YBX3: variants seen among roughly 807,000 people sequenced by gnomAD.
The protein encoded by YBX3 is Y-box-binding protein 3.
A neutral mutation model predicts 42.4 loss-of-function variants in YBX3; 29 were observed. That is an observed-to-expected ratio of 0.68 (90% CI 0.51 to 0.93). The LOEUF is 0.93. Among genes scored for constraint, YBX3 ranks in the 40% least tolerant of loss-of-function variants. YBX3 has a pLI of 0.00. For missense variants in YBX3, 517 were observed against 527.5 expected (o/e 0.98, Z 0.19); for synonymous variants, 195 against 189.8 (o/e 1.03, Z -0.22).
chr12:10,722,778 G>A, intron 1 of YBX3, 72 bp downstream of exon 1: 2 of 1,278,038 alleles, frequency 1.6e-6, no homozygotes, highest in Non-Finnish European at 2.0e-6. Flanking sequence ...AGCGCGAGCT[G>A]CCCACACGTG....
At position 10,701,032 on chromosome 12, in the gene YBX3, A is replaced by G. The variant is rs550776654; in HGVS notation, c.*34+222T>C. Among the ~76,000 whole-genome samples the G allele has an allele frequency of 9.9e-5, 15 of 152,240 alleles. No homozygotes were observed. In the South Asian group the frequency reaches 3.1e-3, roughly 32 times the overall value. The stretch of plus-strand genomic sequence containing the variant: ...AGAAAAAAGAAGTTGAGTATCATCA[A>G]CTCTGTCTGAATGCTTATACCCTCA... On this transcript the variant is annotated intron_variant, in intron 9 of 9. Coordinates refer to ENST00000228251, the MANE Select transcript of YBX3 (RefSeq NM_003651.5).
chr12:10,716,037 C>T (rs1332436099), intron 3 of YBX3: 1 of 440,010 alleles, frequency 2.3e-6, no homozygotes, highest in East Asian at 4.7e-5. Context: ...TCTATAACTG[C>T]AGTGTGTGCA....
Position 10,713,263 on chromosome 12 carries a change from C to G in YBX3, c.521G>C (p.Arg174Pro). 6.2e-7 allele frequency: 1 copy of G among 1,614,032 alleles called. No individual in the cohort carries two copies. The highest frequency in any genetic ancestry group is 8.5e-7 in the Non-Finnish European group (1 of 1,180,034). Reference protein sequence around the residue: ...PVEGSRYAADRRRYRRGYYGR... With the variant: ...PVEGSRYAADPRRYRRGYYGR... ...ATAGTAGCCACGTCTGTAACGGCGC[C>G]GATCTGCAGCGTAACGACTCCCTTC... Residue 174 changes from arginine to proline, a missense_variant, in exon 5 of 10, where the codon CGG (arginine) becomes CCG (proline). By Grantham distance (103) the Arg-to-Pro change is moderately radical. Transcript: ENST00000228251.
In YBX3 at chr12:10,702,149, G is replaced by C; in HGVS notation, c.879-15C>G. On this transcript the variant is annotated splice_polypyrimidine_tract_variant and intron_variant, in intron 7 of 9. Transcript: ENST00000228251. Reference sequence around the variant, plus strand: ...GAGGTCCCCTGCTGTAGGGAACACAGAAGAAAATAGAACAGGTGCCAACAG... The same window carrying C: ...GAGGTCCCCTGCTGTAGGGAACACACAAGAAAATAGAACAGGTGCCAACAG... 2 of 1,607,644 alleles carry C rather than the reference G, an allele frequency of 1.2e-6. No individual in the cohort carries two copies. The highest frequency in any genetic ancestry group is 1.7e-6 in the Non-Finnish European group (2 of 1,177,160).
chr12:10,703,609 C>G, intron 7 of YBX3: 1 of 433,998 alleles, frequency 2.3e-6, no homozygotes, highest in Non-Finnish European at 4.6e-6. Flanking sequence ...CAAGAACATA[C>G]ATCTAATGAA....
At chr12:10,705,471 A>G (rs978725398) in intron 6 of YBX3, among the ~76,000 whole-genome samples, 50 of 152,178 alleles carry the variant, frequency 3.3e-4, no homozygotes, top group African/African-American at 1.2e-3. Flanking sequence ...ATTGGTGTTC[A>G]CTAATGATTA....
rs11331679 is a variant in YBX3, at chr12:10,708,318, A to ATT, written c.780+1588_780+1589dup. Among the ~76,000 whole-genome samples the ATT allele has an allele frequency of 3.6e-3, 540 of 150,768 alleles. 3 individuals are homozygous for ATT. Among genetic ancestry groups the ATT allele is most frequent in the Middle Eastern group, 0.014 (4 of 292 alleles). On this transcript the variant is annotated intron_variant, in intron 6 of 9. Coordinates refer to ENST00000228251, the MANE Select transcript of YBX3 (RefSeq NM_003651.5). ...AAATACCACTGGCCTATATATTCCT[A>ATT]TTTTTTTTTTCTATTATGCCCAATA...
chr12:10,700,664 C>T (rs549542765), intron 9 of YBX3, among the ~76,000 whole-genome samples: 11 of 152,110 alleles, frequency 7.2e-5, no homozygotes, highest in African/African-American at 1.2e-4. Flanking sequence ...ATCCTTGCAA[C>T]GACCCTAGTA....
chr12:10,719,220 C>G, intron 1 of YBX3, 77 bp from the exon 2 acceptor site: 1 of 1,267,406 alleles, frequency 7.9e-7, no homozygotes, highest in South Asian at 1.3e-5. Context: ...ATCTTGATAA[C>G]ATTAGACAAA....
At position 10,702,204 on chromosome 12, in the gene YBX3, A is replaced by AT. The variant is rs1591572300; in HGVS notation, c.879-71dup. 9 of 1,458,866 alleles carry AT rather than the reference A, an allele frequency of 6.2e-6. 1 individual carries two copies. The East Asian group carries it at 2.2e-4, about 36-fold the overall frequency. The allele number at this position is 1,458,866 out of a possible 1,614,324, so 90.4% of individuals were successfully genotyped here. On this transcript the variant is annotated intron_variant, in intron 7 of 9. Coordinates refer to ENST00000228251, the MANE Select transcript of YBX3 (RefSeq NM_003651.5). Reference sequence around the variant, plus strand: ...GGGCTTCTCCAGAAAATAAGGTTTTATTTATTTTTAAAAATTAAAAAGTCA... The same window carrying AT: ...GGGCTTCTCCAGAAAATAAGGTTTTATTTTATTTTTAAAAATTAAAAAGTCA...
At chr12:10,708,259 A>G (rs1193595743) in intron 6 of YBX3, among the ~76,000 whole-genome samples, 1 of 152,252 alleles carries the variant, frequency 6.6e-6, no homozygotes, top group Non-Finnish European at 1.5e-5. Context: ...GTCACTAATA[A>G]ATCATGCTAT....
At chr12:10,701,717 AC>A (rs1356995523) in intron 8 of YBX3, among the ~76,000 whole-genome samples, 1 of 152,144 alleles carries the variant, frequency 6.6e-6, no homozygotes, top group Non-Finnish European at 1.5e-5. Context: ...TCTTTGAAGA[AC>A]CCCAAATGTT....
At chr12:10,705,307 A>G (rs1057321010) in intron 6 of YBX3, among the ~76,000 whole-genome samples, 4 of 151,944 alleles carry the variant, frequency 2.6e-5, no homozygotes, top group African/African-American at 9.7e-5. Context: ...GTTGGCCAGG[A>G]TGGTCTCAAT....
chr12:10,715,773 T>G lies in YBX3; in HGVS notation c.371A>C (p.Lys124Thr). 6.2e-7 allele frequency: 1 copy of G among 1,614,022 alleles called. No individual in the cohort carries two copies. Among genetic ancestry groups the G allele is most frequent in the Non-Finnish European group, 8.5e-7 (1 of 1,179,918 alleles). ...EDVFVHQTAIKKNNPRKYLRS... is the reference protein window; with the variant it reads ...EDVFVHQTAITKNNPRKYLRS... ...CAGATATTTCCGTGGGTTATTCTTC[T>G]TGATGGCAGTCTGGAAAGAGAACAG... Residue 124 changes from lysine (K) to threonine (T), a missense_variant, in exon 4 of 10, where the codon AAG becomes ACG. By Grantham distance (78) the Lys-to-Thr change is moderately conservative. Around this residue, in one of 3 missense-constraint regions of YBX3, gnomAD observed 420 missense variants for 408.5 expected, o/e 1.03. Coordinates refer to ENST00000228251, the MANE Select transcript of YBX3 (RefSeq NM_003651.5).
At chr12:10,711,168 A>C (rs1335594380) in intron 5 of YBX3, 2 of 152,156 alleles carry the variant, frequency 1.3e-5, no homozygotes, top group Admixed American at 1.3e-4. Flanking sequence ...TCTTCTATTT[A>C]AATTATATCA....
In YBX3 at chr12:10,704,055, G is replaced by A. The variant is rs757865246; in HGVS notation, c.874C>T (p.Arg292Cys). The A allele has an allele frequency of 5.0e-6, 8 of 1,613,942 alleles. No individual in the cohort carries two copies. The highest frequency in any genetic ancestry group is 2.2e-5 in the South Asian group (2 of 91,074). ...TTAGTGGAAAATGCGACATACCTACGGTACCTTGGGCGGTAAGTTGGATTT... is the reference window on the plus strand; with the variant it reads ...TTAGTGGAAAATGCGACATACCTACAGTACCTTGGGCGGTAAGTTGGATTT... Reference protein sequence around the residue: ...HRNPTYRPRYRSRGPPRPRPA... With the variant: ...HRNPTYRPRYCSRGPPRPRPA... The change falls in exon 7 of 10, where the codon CGT becomes TGT. Residue 292 changes from arginine (R) to cysteine (C), a missense_variant. This residue lies in a region of YBX3 where 420 missense variants were observed against 408.5 expected (regional missense o/e 1.03). Coordinates refer to ENST00000228251, the MANE Select transcript of YBX3 (RefSeq NM_003651.5).
chr12:10,721,284 T>C (rs1171245607), intron 1 of YBX3, among the ~76,000 whole-genome samples: 1 of 152,198 alleles, frequency 6.6e-6, no homozygotes, highest in Non-Finnish European at 1.5e-5. Context: ...GCAGAGGCAG[T>C]TGCTTGAGGA....
At chr12:10,701,206 T>TA in intron 9 of YBX3, 48 bp downstream of exon 9, 2 of 754,244 alleles carry the variant, frequency 2.7e-6, no homozygotes, top group Non-Finnish European at 4.9e-6. Flanking sequence ...AAACCAGTGA[T>TA]ACTAAAAAGA....
At position 10,709,968 on chromosome 12, in the gene YBX3, G is replaced by T. The variant is rs1476867812; in HGVS notation, c.720C>A (p.Tyr240Ter). The change falls in exon 6 of 10, where the codon TAC becomes TAA. Residue 240 changes from tyrosine (Y) to a stop codon, truncating the protein, a stop_gained. Transcript: ENST00000228251. LOFTEE classifies it high-confidence loss of function. ...GACGGTCAAAGGTCTGTCCCACGTG[G>T]TAAGGCGGGAACCGCCGCTGCCGGT... Reference protein sequence around the residue: ...PQYRQRRFPPYHVGQTFDRRS... With the variant: ...PQYRQRRFPP 1 of 1,614,030 alleles carries T rather than the reference G, an allele frequency of 6.2e-7. No individual in the cohort carries two copies. The highest frequency in any genetic ancestry group is 2.2e-5 in the East Asian group (1 of 44,884).
Sources: allele counts gnomAD v4.1 joint callset (sites outside exome capture counted in the v4.1 genomes callset), GRCh38; gene constraint gnomAD v4.1.1; regional missense constraint gnomAD v4.1.1; transcripts MANE v1.5; gene names NCBI Gene and HGNC (gene_info 2026-07-23, HGNC 2026-07-21).